CNTNAP2: variants seen among roughly 807,000 people sequenced by gnomAD.
The protein encoded by CNTNAP2 is contactin-associated protein-like 2.
CNTNAP2 carries 98 observed loss-of-function variants against 155.2 expected under a neutral mutation model. The observed-to-expected ratio is 0.63, with a 90% CI of 0.54 to 0.75. The LOEUF is 0.75. Among genes scored for constraint, CNTNAP2 ranks in the 30% least tolerant of loss-of-function variants. CNTNAP2 has a pLI of 0.00. For synonymous variants in CNTNAP2, 651 were observed against 631.2 expected, an observed-to-expected ratio of 1.03 and a Z score of -0.47; for missense variants, 1,727 against 1,688.1, an observed-to-expected ratio of 1.02 and a Z score of -0.40.
intron 10 of CNTNAP2, among the ~76,000 whole-genome samples, chr7:147,465,698 T>C (rs1167960111): frequency 1.3e-5 from 2 of 152,228 alleles, no homozygotes; most frequent in Non-Finnish European, 2.9e-5. Context: ...ATTCCAGTTT[T>C]TAAAATCTTG....
At chr7:148,356,778 C>A (rs1798523689) in intron 21 of CNTNAP2, among the ~76,000 whole-genome samples, 1 of 152,056 alleles carries the variant, frequency 6.6e-6, no homozygotes, top group Non-Finnish European at 1.5e-5. Context: ...CAGACCCTTA[C>A]CCCATCACTC....
intron 1 of CNTNAP2, chr7:146,208,956 G>A (rs1053392132): frequency 1.3e-5 from 2 of 151,268 alleles, no homozygotes; most frequent in Non-Finnish European, 2.9e-5. Flanking sequence ...ACATCACAGA[G>A]TAATAAAAAA....
chr7:147,723,642 T>G (rs1796599232), intron 13 of CNTNAP2, among the ~76,000 whole-genome samples: 1 of 152,042 alleles, frequency 6.6e-6, no homozygotes, highest in Admixed American at 6.6e-5. Flanking sequence ...CATCTGTCCC[T>G]GTTGCTAATA....
chr7:147,444,529 T>C (rs546548241), intron 10 of CNTNAP2, among the ~76,000 whole-genome samples: 6 of 150,898 alleles, frequency 4.0e-5, no homozygotes, highest in South Asian at 2.1e-4. Context: ...AATTTTCTTT[T>C]TTTTTTTTTT....
chr7:146,132,478 A>G (rs977335355), intron 1 of CNTNAP2, among the ~76,000 whole-genome samples: 3 of 151,834 alleles, frequency 2.0e-5, no homozygotes, highest in Non-Finnish European at 4.4e-5. Context: ...GGTTAGTTAC[A>G]TATGTATACA....
chr7:147,663,381 C>T (rs1025651149), intron 13 of CNTNAP2, among the ~76,000 whole-genome samples: 9 of 152,194 alleles, frequency 5.9e-5, no homozygotes, highest in African/African-American at 2.2e-4. Flanking sequence ...TAAATGAACT[C>T]CCATTGGTTT....
At chr7:147,676,545 T>C (rs1795872293) in intron 13 of CNTNAP2, among the ~76,000 whole-genome samples, 1 of 151,948 alleles carries the variant, frequency 6.6e-6, no homozygotes, top group Admixed American at 6.6e-5. Flanking sequence ...CTTAGCATTG[T>C]TTAAGAATAC....
chr7:147,032,851 T>C (rs914806885), intron 3 of CNTNAP2, among the ~76,000 whole-genome samples: 13 of 151,868 alleles, frequency 8.6e-5, no homozygotes, highest in Non-Finnish European at 1.9e-4. Flanking sequence ...ATAAAGCCAT[T>C]AAAAAGACAG....
Position 146,151,662 on chromosome 7 carries a change from ATATATATATATATATATATG to A in CNTNAP2, c.97+34705_97+34724del, listed in dbSNP as rs1412903855. 1.0e-3 allele frequency among the ~76,000 whole-genome samples: 44 copies of A among 43,630 alleles called. 1 individual carries two copies. The highest frequency in any genetic ancestry group is 2.3e-3 in the South Asian group (2 of 864). 28.6% of individuals were successfully genotyped at this position (43,630 alleles called of 152,430 possible). A position where few individuals can be genotyped will look rare whatever the true frequency, so the allele number is the denominator to read the frequency against. On this transcript the variant is annotated intron_variant, in intron 1 of 23. Transcript: ENST00000361727. ...TATATATATATATATATATATATAT[ATATATATATATATATATATG>A]TATATATATATATATGTATATATAT...
At chr7:146,415,781 A>T (rs1795930061) in intron 1 of CNTNAP2, among the ~76,000 whole-genome samples, 1 of 152,106 alleles carries the variant, frequency 6.6e-6, no homozygotes, top group Non-Finnish European at 1.5e-5. Flanking sequence ...CGATAAATTT[A>T]AAAAATTACA....
At chr7:146,657,937 C>G (rs989935413) in intron 1 of CNTNAP2, among the ~76,000 whole-genome samples, 1 of 151,376 alleles carries the variant, frequency 6.6e-6, no homozygotes, top group African/African-American at 2.4e-5. Context: ...ACCAATAATG[C>G]CAAATCCTAA....
intron 13 of CNTNAP2, among the ~76,000 whole-genome samples, chr7:147,859,366 C>T (rs1383681393): frequency 1.4e-5 from 2 of 147,994 alleles, no homozygotes; most frequent in Non-Finnish European, 3.0e-5. Flanking sequence ...ACAAAATAAA[C>T]TCTGTAAAGC....
chr7:147,134,276 G>A (rs2129285677), intron 8 of CNTNAP2, among the ~76,000 whole-genome samples: 1 of 151,998 alleles, frequency 6.6e-6, no homozygotes, highest in African/African-American at 2.4e-5. Context: ...AATTTAAGCT[G>A]TGTTTATTTT....
intron 9 of CNTNAP2, among the ~76,000 whole-genome samples, chr7:147,340,699 A>T (rs916688886): frequency 7.9e-5 from 12 of 152,192 alleles, no homozygotes; most frequent in African/African-American, 2.9e-4. Flanking sequence ...GTAACAAATA[A>T]TGGTAATTAT....
chr7:146,472,647 A>G (rs1796817156), intron 1 of CNTNAP2, among the ~76,000 whole-genome samples: 1 of 152,220 alleles, frequency 6.6e-6, no homozygotes, highest in Non-Finnish European at 1.5e-5. Context: ...TTAAATCAAT[A>G]TAGATTCTCT....
intron 15 of CNTNAP2, among the ~76,000 whole-genome samples, chr7:148,009,463 C>T (rs147311780): frequency 8.5e-4 from 129 of 152,252 alleles, no homozygotes; most frequent in African/African-American, 3.0e-3. Context: ...AACTTGAACA[C>T]TATACATATG....
chr7:147,635,401 G>T (rs1033311056), intron 12 of CNTNAP2, among the ~76,000 whole-genome samples: 3 of 151,762 alleles, frequency 2.0e-5, no homozygotes, highest in Non-Finnish European at 4.4e-5. Context: ...TGGGATTACA[G>T]GCATGAGCCA....
chr7:147,675,666 C>A (rs563734757), intron 13 of CNTNAP2, among the ~76,000 whole-genome samples: 1 of 152,010 alleles, frequency 6.6e-6, no homozygotes, highest in Admixed American at 6.6e-5. Flanking sequence ...CAGACACACC[C>A]AGAAATGATG....
chr7:146,432,189 A>G (rs932518276), intron 1 of CNTNAP2, among the ~76,000 whole-genome samples: 1 of 152,174 alleles, frequency 6.6e-6, no homozygotes, highest in East Asian at 1.9e-4. Flanking sequence ...AGGAGAAAAA[A>G]ACATATTTGA....
Sources: allele counts gnomAD v4.1 joint callset (sites outside exome capture counted in the v4.1 genomes callset), GRCh38; gene constraint gnomAD v4.1.1; transcripts MANE v1.5; gene names NCBI Gene and HGNC (gene_info 2026-07-23, HGNC 2026-07-21).